KYNU: variants seen among roughly 807,000 people sequenced by gnomAD.
The protein encoded by KYNU is kynureninase, also known as L-kynurenine hydrolase.
In KYNU, 54 loss-of-function variants were observed where a neutral mutation model predicts 59.2. The ratio of observed to expected loss-of-function variants is 0.91; its 90% CI spans 0.73 to 1.14. The LOEUF (loss-of-function observed/expected upper bound fraction) is 1.14, where lower values mean the gene tolerates loss of function less well. Among genes scored for constraint, KYNU ranks in the 50% most tolerant of loss-of-function variants. The probability of loss-of-function intolerance (pLI) is 0.00; values close to 1 mark genes in which losing one functional copy is unlikely to be tolerated. For synonymous variants in KYNU, 177 were observed against 192.0 expected (o/e 0.92, Z 0.65); for missense variants, 567 against 554.4 (o/e 1.02, Z -0.23).
intron 10 of KYNU, among the ~76,000 whole-genome samples, chr2:143,012,244 G>A (rs1204392063): frequency 9.9e-5 from 15 of 152,034 alleles, no homozygotes; most frequent in Admixed American, 9.8e-4. Flanking sequence ...CACTTTGGGA[G>A]GCCGAGGCGG....
chr2:142,985,247 TG>T (rs1685166191), intron 9 of KYNU, 65 bp downstream of exon 9: 1 of 949,736 alleles, frequency 1.1e-6, no homozygotes, highest in African/African-American at 1.6e-5. Flanking sequence ...AAGGAGAAAC[TG>T]GGTCTGTGGG....
chr2:142,961,192 C>CAA (rs71404458), intron 8 of KYNU, among the ~76,000 whole-genome samples: 30 of 110,688 alleles, frequency 2.7e-4, no homozygotes, highest in African/African-American at 7.7e-4. Context: ...GACTCCATCT[C>CAA]AAAAAAAAAA....
Position 143,047,852 on chromosome 2 carries a change from CTTTTT to C in KYNU, c.*5702_*5706del, listed in dbSNP as rs61229238. ...GGCATAAGCTGCCACTCCTGGACCT[CTTTTT>C]TTTTTTTTTTTTTTTTTTTTTGAGG... On this transcript the variant is annotated 3_prime_UTR_variant, in exon 14 of 14. Transcript: ENST00000264170. The C allele has an allele frequency of 1.7e-3, 168 of 100,342 alleles. 1 individual carries two copies. Among genetic ancestry groups the C allele is most frequent in the African/African-American group, 6.3e-3 (148 of 23,368 alleles). 6.2% of individuals were successfully genotyped at this position (100,342 alleles called of 1,614,324 possible).
intron 2 of KYNU, among the ~76,000 whole-genome samples, chr2:142,916,573 A>G (rs971746956): frequency 3.9e-5 from 6 of 152,180 alleles, no homozygotes; most frequent in Non-Finnish European, 7.3e-5. Flanking sequence ...GCAGCAAATG[A>G]TGCTGATCTG....
chr2:143,035,065 TC>T (rs1386534988), intron 12 of KYNU, among the ~76,000 whole-genome samples: 1 of 152,208 alleles, frequency 6.6e-6, no homozygotes, highest in East Asian at 1.9e-4. Flanking sequence ...TGTATTAGAG[TC>T]ACCTAGACAA....
chr2:142,886,199 T>C (rs1171045168), intron 2 of KYNU, among the ~76,000 whole-genome samples: 1 of 152,204 alleles, frequency 6.6e-6, no homozygotes, highest in Non-Finnish European at 1.5e-5. Context: ...CATTTTACAT[T>C]AATAAAAAAG....
chr2:142,918,751 A>C (rs372260320), intron 3 of KYNU, 22 bp downstream of exon 3: 1 of 1,603,824 alleles, frequency 6.2e-7, no homozygotes, highest in Admixed American at 1.7e-5. Context: ...TTTAAAAGCT[A>C]CTACTCTACA....
In KYNU at chr2:143,043,829, A is replaced by G. The variant is rs1240338500; in HGVS notation, c.*1657A>G. The G allele has an allele frequency of 2.0e-5, 3 of 147,350 alleles. No homozygotes were observed. The highest frequency in any genetic ancestry group is 4.5e-5 in the Non-Finnish European group (3 of 67,074). 9.1% of individuals were successfully genotyped at this position (147,350 alleles called of 1,614,324 possible). ...AATATATATAAAGTATAATATATAT[A>G]AAGTATAAATATATATATATTTATA... On this transcript the variant is annotated 3_prime_UTR_variant, in exon 14 of 14. Coordinates refer to ENST00000264170, the MANE Select transcript of KYNU (RefSeq NM_003937.3).
At position 143,042,412 on chromosome 2, in the gene KYNU, C is replaced by T; in HGVS notation, c.*240C>T. On this transcript the variant is annotated 3_prime_UTR_variant, in exon 14 of 14. Coordinates refer to ENST00000264170, the MANE Select transcript of KYNU (RefSeq NM_003937.3). Reference sequence around the variant, plus strand: ...AAAACTGTGTTGGTTCAAGTATTATCTATACAGTCTCTATAAGCTGTCACA... The same window carrying T: ...AAAACTGTGTTGGTTCAAGTATTATTTATACAGTCTCTATAAGCTGTCACA... 2.5e-6 allele frequency: 1 copy of T among 398,768 alleles called. No individual in the cohort carries two copies. The highest frequency in any genetic ancestry group is 4.6e-6 in the Non-Finnish European group (1 of 217,680). The allele number at this position is 398,768 out of a possible 1,614,324, so 24.7% of individuals were successfully genotyped here.
At chr2:142,968,459 C>T (rs187951600) in intron 8 of KYNU, among the ~76,000 whole-genome samples, 1 of 152,186 alleles carries the variant, frequency 6.6e-6, no homozygotes, top group African/African-American at 2.4e-5. Flanking sequence ...TAGCTTTGCC[C>T]TGAAGACCCA....
intron 10 of KYNU, among the ~76,000 whole-genome samples, chr2:143,004,465 C>G (rs1468850517): frequency 6.6e-6 from 1 of 152,166 alleles, no homozygotes. Context: ...ATTCCCAGCA[C>G]TTTGGGAAGC....
chr2:142,955,064 G>T (rs911306785), intron 5 of KYNU, among the ~76,000 whole-genome samples, 193 bp downstream of exon 5: 1 of 151,984 alleles, frequency 6.6e-6, no homozygotes, highest in Non-Finnish European at 1.5e-5. Flanking sequence ...TGACTCTTGA[G>T]AAGAGCTTTA....
At chr2:142,981,943 C>T (rs1173065310) in intron 8 of KYNU, among the ~76,000 whole-genome samples, 4 of 151,984 alleles carry the variant, frequency 2.6e-5, no homozygotes, top group Admixed American at 1.3e-4. Flanking sequence ...GTAAAAGCAG[C>T]CATGGACAAT....
rs1379846609 is a variant in KYNU at position 143,052,213 on chromosome 2, C to T, written c.*10041C>T. 1 of 152,506 alleles carries T rather than the reference C, an allele frequency of 6.6e-6. No individual in the cohort carries two copies. The highest frequency in any genetic ancestry group is 2.4e-5 in the African/African-American group (1 of 41,442). 9.4% of individuals were successfully genotyped at this position (152,506 alleles called of 1,614,324 possible). A position where few individuals can be genotyped will look rare whatever the true frequency, so the allele number is the denominator to read the frequency against. On this transcript the variant is annotated 3_prime_UTR_variant, in exon 14 of 14. Coordinates refer to ENST00000264170, the MANE Select transcript of KYNU (RefSeq NM_003937.3). ...AGGAAGAAATTTTTATGCAGCAAAG[C>T]ATTCAAGAGGTGACTTGGTTGCTAT...
intron 2 of KYNU, among the ~76,000 whole-genome samples, chr2:142,905,200 C>A (rs747946779): frequency 1.3e-5 from 2 of 152,058 alleles, no homozygotes; most frequent in Admixed American, 1.3e-4. Context: ...CTTTTGGGTA[C>A]GAAATATGAG....
chr2:143,039,827 A>C (rs938760092), intron 12 of KYNU, among the ~76,000 whole-genome samples: 2 of 152,122 alleles, frequency 1.3e-5, no homozygotes, highest in African/African-American at 4.8e-5. Flanking sequence ...TGGAGTGATT[A>C]CCCTTATCTT....
At chr2:143,014,182 A>G (rs1686189585) in intron 10 of KYNU, among the ~76,000 whole-genome samples, 1 of 152,238 alleles carries the variant, frequency 6.6e-6, no homozygotes, top group Non-Finnish European at 1.5e-5. Flanking sequence ...ACTGCCCCTT[A>G]GGGCTGAGGG....
intron 2 of KYNU, among the ~76,000 whole-genome samples, chr2:142,889,802 A>G (rs1573753123): frequency 1.3e-5 from 2 of 152,316 alleles, no homozygotes; most frequent in East Asian, 3.9e-4. Context: ...TTTCTTTAGC[A>G]GTTCTGAACA....
chr2:142,952,335 C>T (rs1044996607), intron 4 of KYNU, among the ~76,000 whole-genome samples: 3 of 152,126 alleles, frequency 2.0e-5, no homozygotes, highest in African/African-American at 7.2e-5. Context: ...CTTGGCCTCT[C>T]AAAGTGTTGG....
Sources: allele counts gnomAD v4.1 joint callset (sites outside exome capture counted in the v4.1 genomes callset), GRCh38; gene constraint gnomAD v4.1.1; transcripts MANE v1.5; gene names NCBI Gene and HGNC (gene_info 2026-07-23, HGNC 2026-07-21).